Variants in TGFBR3 observed in about 807,000 individuals in gnomAD.
TGFBR3 encodes transforming growth factor beta receptor type 3.
In TGFBR3, 46 loss-of-function variants were observed where a neutral mutation model predicts 87.9. That is an observed-to-expected ratio of 0.52 (90% CI 0.41 to 0.67). The LOEUF (loss-of-function observed/expected upper bound fraction) is 0.67, where lower values mean the gene tolerates loss of function less well. TGFBR3 is among the 30% of genes least tolerant of loss of function. The pLI, the probability that TGFBR3 is intolerant of heterozygous loss-of-function variation, is 0.00. For missense variants in TGFBR3, 866 were observed against 1,041.9 expected (o/e 0.83, Z 2.32); for synonymous variants, 381 against 391.6 (o/e 0.97, Z 0.32).
chr1:91,735,883 C>T (rs1672952081), intron 4 of TGFBR3, among the ~76,000 whole-genome samples: 1 of 152,134 alleles, frequency 6.6e-6, no homozygotes, highest in African/African-American at 2.4e-5. Flanking sequence ...AGAAGGCTCA[C>T]AAATTCTCAG....
chr1:91,791,363 C>T (rs191523778), intron 3 of TGFBR3, among the ~76,000 whole-genome samples: 2 of 152,114 alleles, frequency 1.3e-5, no homozygotes, highest in African/African-American at 2.4e-5. Context: ...ACATAGAGCA[C>T]AATGGCTCCT....
intron 2 of TGFBR3, among the ~76,000 whole-genome samples, chr1:91,898,960 A>G (rs1679618159): frequency 6.6e-6 from 1 of 152,190 alleles, no homozygotes; most frequent in African/African-American, 2.4e-5. Flanking sequence ...GGGAAAGTAA[A>G]GTTGAACGTG....
chr1:91,900,812 T>C (rs1679698430), intron 1 of TGFBR3, among the ~76,000 whole-genome samples: 1 of 152,234 alleles, frequency 6.6e-6, no homozygotes, highest in Non-Finnish European at 1.5e-5. Flanking sequence ...AAACTGTGAT[T>C]GCCCCACTCT....
At chr1:91,769,645 G>GTT (rs1209653733) in intron 3 of TGFBR3, among the ~76,000 whole-genome samples, 1 of 144,604 alleles carries the variant, frequency 6.9e-6, no homozygotes, top group African/African-American at 2.5e-5. Context: ...TGTTTTTTTT[G>GTT]TTTTTTTTTT....
intron 3 of TGFBR3, among the ~76,000 whole-genome samples, chr1:91,795,678 G>C (rs1042169256): frequency 2.0e-5 from 3 of 152,146 alleles, no homozygotes; most frequent in Non-Finnish European, 4.4e-5. Flanking sequence ...CGCTGCTAAA[G>C]AATTGCTGGA....
intron 2 of TGFBR3, among the ~76,000 whole-genome samples, chr1:91,808,219 G>C (rs1482352894): frequency 6.6e-6 from 1 of 152,166 alleles, no homozygotes; most frequent in African/African-American, 2.4e-5. Flanking sequence ...TTGAGGCCAG[G>C]ACTTCAAGAC....
At chr1:91,716,025 T>C (rs1039247076) in intron 12 of TGFBR3, among the ~76,000 whole-genome samples, 7 of 152,068 alleles carry the variant, frequency 4.6e-5, no homozygotes, top group African/African-American at 1.7e-4. Flanking sequence ...CAAAATACTG[T>C]CTTCACTTAG....
intron 14 of TGFBR3, among the ~76,000 whole-genome samples, chr1:91,699,182 A>T (rs1380780509): frequency 1.3e-5 from 2 of 152,038 alleles, no homozygotes; most frequent in African/African-American, 4.8e-5. Flanking sequence ...CCCCATACTT[A>T]GTAATTTAAG....
At chr1:91,829,454 C>G (rs1297994650) in intron 2 of TGFBR3, among the ~76,000 whole-genome samples, 1 of 150,858 alleles carries the variant, frequency 6.6e-6, no homozygotes, top group Non-Finnish European at 1.5e-5. Context: ...CATCAGAAGA[C>G]CCATGCACTG....
intron 3 of TGFBR3, among the ~76,000 whole-genome samples, chr1:91,776,011 T>A (rs1674554278): frequency 6.6e-6 from 1 of 152,218 alleles, no homozygotes. Context: ...CTGATGTTAA[T>A]AACAGGGTGC....
intron 3 of TGFBR3, among the ~76,000 whole-genome samples, chr1:91,767,967 C>T (rs1674237615): frequency 6.6e-6 from 1 of 151,788 alleles, no homozygotes; most frequent in Non-Finnish European, 1.5e-5. Context: ...AATCCCAGCA[C>T]TTTGGGAGGC....
intron 2 of TGFBR3, among the ~76,000 whole-genome samples, chr1:91,896,832 G>A (rs1286263561): frequency 6.6e-6 from 1 of 151,812 alleles, no homozygotes; most frequent in Non-Finnish European, 1.5e-5. Flanking sequence ...AAGTCTTAAA[G>A]GGTCTTTGAC....
At chr1:91,749,440 T>C (rs1339786360) in intron 4 of TGFBR3, among the ~76,000 whole-genome samples, 1 of 152,112 alleles carries the variant, frequency 6.6e-6, no homozygotes, top group Non-Finnish European at 1.5e-5. Flanking sequence ...GATACAGTGT[T>C]AGGAACAAAA....
chr1:91,847,039 T>C (rs563705382), intron 2 of TGFBR3, among the ~76,000 whole-genome samples: 144 of 152,286 alleles, frequency 9.5e-4, no homozygotes, highest in Non-Finnish European at 1.9e-3. Flanking sequence ...GAGCTGTACA[T>C]AGGTTGTACG....
At position 91,712,216 on chromosome 1, in the gene TGFBR3, C is replaced by T. The variant is rs749104911; in HGVS notation, c.2166+27G>A. On this transcript the variant is annotated intron_variant, in intron 13 of 16. Coordinates refer to ENST00000212355, the MANE Select transcript of TGFBR3 (RefSeq NM_003243.5). ...CCTCACCTAAAAATGCCAAAATAAC[C>T]ATCCGAATGGATGAAGGCCCACAAA... The T allele has an allele frequency of 3.4e-5, 54 of 1,611,134 alleles. No homozygotes were observed. The Admixed American group carries it at 8.9e-4, about 26-fold the overall frequency.
At chr1:91,865,767 C>G (rs1258927218) in intron 1 of TGFBR3, among the ~76,000 whole-genome samples, 3 of 152,074 alleles carry the variant, frequency 2.0e-5, no homozygotes, top group Middle Eastern at 3.4e-3. Flanking sequence ...AAAAAATTAG[C>G]CGGGCGCGGT....
chr1:91,768,778 G>T (rs1004630223), intron 3 of TGFBR3, among the ~76,000 whole-genome samples: 1 of 152,186 alleles, frequency 6.6e-6, no homozygotes, highest in African/African-American at 2.4e-5. Context: ...CTGGAGAATT[G>T]TGAGCCAATT....
At position 91,716,402 on chromosome 1, in the gene TGFBR3, TAAC is replaced by T. The variant is rs911571477; in HGVS notation, c.1708-11_1708-9del. On this transcript the variant is annotated splice_polypyrimidine_tract_variant and intron_variant, in intron 11 of 16. Transcript: ENST00000212355. ...CTGAAGGCTGCAATTAAACTGGAAA[TAAC>T]AACCCACAGGAAGATTAATGACAGT... 5.0e-6 allele frequency: 8 copies of T among 1,614,098 alleles called. No individual in the cohort carries two copies. The highest frequency in any genetic ancestry group is 6.8e-6 in the Non-Finnish European group (8 of 1,180,006).
Position 91,779,178 on chromosome 1 carries a change from G to A in TGFBR3, c.246+18109C>T, listed in dbSNP as rs965181043. Among the ~76,000 whole-genome samples the A allele has an allele frequency of 3.9e-5, 6 of 152,160 alleles. No homozygotes were observed. The South Asian group carries it at 8.3e-4, about 21-fold the overall frequency. ...GAACTGGTGAACTTCGTGACTGGAC[G>A]GAAGTCTTTCAAAAGATCATGCTGG... On this transcript the variant is annotated intron_variant, in intron 3 of 16. Coordinates refer to ENST00000212355, the MANE Select transcript of TGFBR3 (RefSeq NM_003243.5).
Sources: gnomAD v4.1 joint callset for allele counts (sites outside exome capture counted in the v4.1 genomes callset) on GRCh38, gnomAD v4.1.1 for gene constraint, MANE v1.5 for transcripts, NCBI Gene and HGNC (gene_info 2026-07-23, HGNC 2026-07-21) for gene names.